The following EPAS1 variants were observed in gnomAD, a reference collection of about 807,000 sequenced individuals.
The protein encoded by EPAS1 is endothelial PAS domain protein 1, also known as endothelial PAS domain-containing protein 1.
A neutral mutation model predicts 87.9 loss-of-function variants in EPAS1; 23 were observed. That is an observed-to-expected ratio of 0.26 (90% CI 0.19 to 0.37). EPAS1 has a LOEUF of 0.37. Among genes scored for constraint, EPAS1 ranks in the 10% least tolerant of loss-of-function variants. EPAS1 has a pLI of 1.00. For missense variants in EPAS1, 1,138 were observed against 1,120.7 expected (o/e 1.02, Z -0.22); for synonymous variants, 508 against 444.3 (o/e 1.14, Z -1.80).
rs1381346273 is a variant in EPAS1 at position 46,360,459 on chromosome 2, AC to A, written c.455-177del. Among the ~76,000 whole-genome samples, 1 of 152,184 alleles carries A rather than the reference AC, an allele frequency of 6.6e-6. No homozygotes were observed. The highest frequency in any genetic ancestry group is 1.5e-5 in the Non-Finnish European group (1 of 68,026). The stretch of plus-strand genomic sequence containing the variant: ...TGAGGAGATAAGCTTGAGAGTGGGA[AC>A]CATTAGTTCACAGGCCATGATGGAG... On this transcript the variant is annotated intron_variant, in intron 4 of 15. Coordinates refer to ENST00000263734, the MANE Select transcript of EPAS1 (RefSeq NM_001430.5). This position sits in a 1 kb window ranked among gnomAD's most constrained non-coding sequence, Gnocchi z 4.5.
At chr2:46,364,009 T>C (rs748700529) in intron 6 of EPAS1, among the ~76,000 whole-genome samples, 3 of 152,264 alleles carry the variant, frequency 2.0e-5, no homozygotes, top group Non-Finnish European at 4.4e-5. Flanking sequence ...ATTGCTTTGA[T>C]GAGGCCTGAG....
intron 4 of EPAS1, among the ~76,000 whole-genome samples, chr2:46,358,741 T>C (rs1375435518): frequency 6.6e-6 from 1 of 152,202 alleles, no homozygotes. Flanking sequence ...TCAGTCAAAC[T>C]CAATGCAACA....
At chr2:46,349,292 GTCCA>G (rs1276399437) in intron 2 of EPAS1, among the ~76,000 whole-genome samples, 1 of 152,216 alleles carries the variant, frequency 6.6e-6, no homozygotes, top group Non-Finnish European at 1.5e-5. Context: ...GAGCCTGGCT[GTCCA>G]TCTCAGTGGT....
At chr2:46,323,846 T>C (rs1489449966) in intron 1 of EPAS1, among the ~76,000 whole-genome samples, 1 of 152,238 alleles carries the variant, frequency 6.6e-6, no homozygotes, top group Non-Finnish European at 1.5e-5. Context: ...TGCAAAGATA[T>C]ACATGAGTAA....
At chr2:46,319,464 G>A (rs1683411201) in intron 1 of EPAS1, among the ~76,000 whole-genome samples, 1 of 152,152 alleles carries the variant, frequency 6.6e-6, no homozygotes, top group African/African-American at 2.4e-5. Context: ...TTTTCATGAT[G>A]TTAAAAACTT....
At chr2:46,335,025 C>T (rs1033192163) in intron 1 of EPAS1, among the ~76,000 whole-genome samples, 1 of 152,166 alleles carries the variant, frequency 6.6e-6, no homozygotes, top group Admixed American at 6.5e-5. Context: ...AGATTCTCTA[C>T]CAGCTCTCTC....
intron 1 of EPAS1, among the ~76,000 whole-genome samples, chr2:46,298,399 G>A (rs1682929678): frequency 6.6e-6 from 1 of 152,180 alleles, no homozygotes; most frequent in East Asian, 1.9e-4. Flanking sequence ...TGCCCGCGCC[G>A]CGGCCCAAGT....
chr2:46,356,952 T>C (rs542793806), intron 4 of EPAS1, 144 bp downstream of exon 4: 3 of 686,188 alleles, frequency 4.4e-6, no homozygotes, highest in South Asian at 3.0e-5. Flanking sequence ...GTATGTAGCC[T>C]GTGAGATGAG....
chr2:46,338,367 C>A (rs1352099230), intron 1 of EPAS1, among the ~76,000 whole-genome samples: 1 of 152,164 alleles, frequency 6.6e-6, no homozygotes, highest in Non-Finnish European at 1.5e-5. Context: ...TCTCAGCTTG[C>A]GGAGGTTAAT....
chr2:46,380,660 G>A lies in EPAS1; in HGVS notation c.1988G>A (p.Gly663Glu), dbSNP rs371608362. ...GGGGATCAGCGCACAGAGTTCTTGGGAGCAGCGCCGTTGGGGCCCCCTGTC... is the reference window on the plus strand; with the variant it reads ...GGGGATCAGCGCACAGAGTTCTTGGAAGCAGCGCCGTTGGGGCCCCCTGTC... ...AVGDQRTEFL[G>E]AAPLGPPVSP... The change falls in exon 12 of 16, where the codon GGA becomes GAA. Residue 663 changes from glycine to glutamate, a missense_variant. Around this residue, in one of 4 missense-constraint regions of EPAS1, gnomAD observed 502 missense variants for 427.1 expected, o/e 1.18. Coordinates refer to ENST00000263734, the MANE Select transcript of EPAS1 (RefSeq NM_001430.5). The surrounding 1 kb of genome is among the most constrained non-coding windows in gnomAD (Gnocchi z 4.4). 36 of 1,614,038 alleles carry A rather than the reference G, an allele frequency of 2.2e-5. 1 individual carries two copies. The highest frequency in any genetic ancestry group is 3.0e-5 in the Non-Finnish European group (35 of 1,180,004).
At chr2:46,310,080 T>C (rs372179842) in intron 1 of EPAS1, among the ~76,000 whole-genome samples, 14 of 152,234 alleles carry the variant, frequency 9.2e-5, no homozygotes, top group Admixed American at 5.2e-4. Flanking sequence ...CTTTTTGGCC[T>C]GTACCACTTC....
At position 46,384,734 on chromosome 2, in the gene EPAS1, A is replaced by T; in HGVS notation, c.*74A>T. On this transcript the variant is annotated 3_prime_UTR_variant, in exon 16 of 16. Transcript: ENST00000263734. Reference sequence around the variant, plus strand: ...CTTCACTCTCTCCGTCTGTTTTTGCAACTAGGTATTTCTAACGCCAGCACA... The same window carrying T: ...CTTCACTCTCTCCGTCTGTTTTTGCTACTAGGTATTTCTAACGCCAGCACA... The T allele has an allele frequency of 1.9e-6, 3 of 1,566,032 alleles. No homozygotes were observed. Among genetic ancestry groups the T allele is most frequent in the Non-Finnish European group, 2.6e-6 (3 of 1,156,042 alleles).
chr2:46,379,199 GTT>G (rs1684826140), intron 11 of EPAS1, among the ~76,000 whole-genome samples: 1 of 152,130 alleles, frequency 6.6e-6, no homozygotes, highest in Non-Finnish European at 1.5e-5. Flanking sequence ...AATAACATCT[GTT>G]TGACAATTTT....
At position 46,375,840 on chromosome 2, in the gene EPAS1, A is replaced by G. The variant is rs989329826; in HGVS notation, c.1034+3A>G. 1.9e-6 allele frequency: 3 copies of G among 1,614,066 alleles called. No individual in the cohort carries two copies. Among genetic ancestry groups the G allele is most frequent in the Admixed American group, 1.7e-5 (1 of 60,008 alleles). ...ATGTGTGTCAACTACGTCCTGAGGT[A>G]AGCATGTGAGGGCTGGCGGGCCTTG... On this transcript the variant is annotated splice_donor_region_variant and intron_variant, in intron 8 of 15. Coordinates refer to ENST00000263734, the MANE Select transcript of EPAS1 (RefSeq NM_001430.5). The surrounding 1 kb of genome is among the most constrained non-coding windows in gnomAD (Gnocchi z 4.1).
chr2:46,344,506 G>C (rs912321768), intron 1 of EPAS1, among the ~76,000 whole-genome samples: 1 of 152,196 alleles, frequency 6.6e-6, no homozygotes, highest in Non-Finnish European at 1.5e-5. Context: ...TGATGTGTGC[G>C]GTTTCAGCAT....
chr2:46,384,949 G>A lies in EPAS1; in HGVS notation c.*289G>A. On this transcript the variant is annotated 3_prime_UTR_variant, in exon 16 of 16. Transcript: ENST00000263734. ...TGACTTCTAATTTATATTATCCATA[G>A]GTTTCTCTCCCTCCTTCTCCTTCTC... The A allele has an allele frequency of 2.3e-6, 1 of 443,986 alleles. No homozygotes were observed. Among genetic ancestry groups the A allele is most frequent in the Non-Finnish European group, 4.2e-6 (1 of 239,372 alleles). The allele number at this position is 443,986 out of a possible 1,614,324, so 27.5% of individuals were successfully genotyped here.
chr2:46,370,016 AC>A, intron 7 of EPAS1, 83 bp downstream of exon 7: 2 of 1,011,730 alleles, frequency 2.0e-6, no homozygotes, highest in Non-Finnish European at 3.1e-6. Context: ...GAGACAGAAG[AC>A]CAGGTCACTT....
intron 1 of EPAS1, among the ~76,000 whole-genome samples, chr2:46,334,650 T>C (rs566907887): frequency 3.0e-4 from 46 of 152,338 alleles, no homozygotes; most frequent in African/African-American, 1.0e-3. Context: ...TTGTTCCACA[T>C]TTCATTCTAC....
chr2:46,382,109 C>T lies in EPAS1; in HGVS notation c.2287+20C>T. ...CCAATGGTGAGCAGCGGCCACAGGC[C>T]TGGGCCTCCTGGGGGTTCTGGTGGA... is the stretch of plus-strand genomic sequence containing the variant. On this transcript the variant is annotated intron_variant, in intron 14 of 15. Coordinates refer to ENST00000263734, the MANE Select transcript of EPAS1 (RefSeq NM_001430.5). The T allele has an allele frequency of 6.2e-7, 1 of 1,607,374 alleles. No homozygotes were observed. Among genetic ancestry groups the T allele is most frequent in the Non-Finnish European group, 8.5e-7 (1 of 1,175,680 alleles).
Sources: gnomAD v4.1 joint callset for allele counts (sites outside exome capture counted in the v4.1 genomes callset) on GRCh38, gnomAD v4.1.1 for gene constraint, gnomAD v4.1.1 regional missense constraint, Gnocchi (gnomAD v3.1) non-coding constraint, MANE v1.5 for transcripts, NCBI Gene and HGNC (gene_info 2026-07-23, HGNC 2026-07-21) for gene names.